FGGY: variants seen among roughly 807,000 people sequenced by gnomAD.
The protein encoded by FGGY is FGGY carbohydrate kinase domain containing, also known as FGGY carbohydrate kinase domain-containing protein.
FGGY carries 72 observed loss-of-function variants against 71.3 expected under a neutral mutation model. The ratio of observed to expected loss-of-function variants is 1.01; its 90% confidence interval spans 0.84 to 1.23. The LOEUF is 1.23. FGGY is among the 50% of genes most tolerant of loss of function. The pLI is 0.00. For synonymous variants in FGGY, 251 were observed against 250.3 expected (o/e 1.00, Z -0.02); for missense variants, 668 against 682.3 (o/e 0.98, Z 0.23).
At chr1:59,558,975 C>G (rs1159193626) in intron 8 of FGGY, among the ~76,000 whole-genome samples, 2 of 152,098 alleles carry the variant, frequency 1.3e-5, no homozygotes, top group African/African-American at 4.8e-5. Flanking sequence ...TTTGCCCGAC[C>G]CCACAGGCAG....
intron 14 of FGGY, among the ~76,000 whole-genome samples, chr1:59,680,098 A>G (rs934953508): frequency 2.6e-5 from 4 of 152,172 alleles, no homozygotes; most frequent in African/African-American, 7.2e-5. Context: ...ATCTCTTGCC[A>G]TGGATTTTAG....
rs536802710 is a variant in FGGY at position 59,373,559 on chromosome 1, T to C, written c.466-5190T>C. The stretch of plus-strand genomic sequence containing the variant: ...TTCACAGAATTGGAAAAAACTACTT[T>C]AAAGTTCATATGGAACCAAAAAAGA... On this transcript the variant is annotated intron_variant, in intron 4 of 15. Transcript: ENST00000303721. Among the ~76,000 whole-genome samples the C allele has an allele frequency of 5.4e-3, 827 of 152,214 alleles. 6 individuals are homozygous for C. The highest frequency in any genetic ancestry group is 0.019 in the African/African-American group (775 of 41,520).
At chr1:59,365,800 A>G (rs753785872) in intron 4 of FGGY, among the ~76,000 whole-genome samples, 2 of 152,250 alleles carry the variant, frequency 1.3e-5, no homozygotes, top group East Asian at 1.9e-4. Context: ...GAAACTCTGT[A>G]GCAGAAGAGT....
intron 6 of FGGY, among the ~76,000 whole-genome samples, chr1:59,510,507 G>A (rs933698661): frequency 6.6e-6 from 1 of 152,066 alleles, no homozygotes; most frequent in Non-Finnish European, 1.5e-5. Context: ...CTGCTACTTT[G>A]GCATTTGAAA....
At chr1:59,622,330 G>A (rs1416296090) in intron 9 of FGGY, among the ~76,000 whole-genome samples, 1 of 151,942 alleles carries the variant, frequency 6.6e-6, no homozygotes, top group Non-Finnish European at 1.5e-5. Flanking sequence ...CTTAAGTATG[G>A]ATTACATTTT....
chr1:59,635,290 C>G (rs1372155258), intron 10 of FGGY, among the ~76,000 whole-genome samples: 2 of 152,116 alleles, frequency 1.3e-5, no homozygotes, highest in Admixed American at 1.3e-4. Context: ...AAAGAATAAA[C>G]ATACAGCTGC....
At chr1:59,318,533 A>C (rs1345059384) in intron 1 of FGGY, 1 of 152,266 alleles carries the variant, frequency 6.6e-6, no homozygotes, top group African/African-American at 2.4e-5. Context: ...ACTGGAAAGG[A>C]ATCAGAATGT....
chr1:59,429,269 A>G (rs181156420), intron 5 of FGGY, among the ~76,000 whole-genome samples: 2 of 152,260 alleles, frequency 1.3e-5, no homozygotes, highest in Admixed American at 1.3e-4. Flanking sequence ...TCATCTTAGA[A>G]ACTTAGAGGT....
At chr1:59,556,984 C>T (rs2095697928) in intron 8 of FGGY, among the ~76,000 whole-genome samples, 1 of 152,090 alleles carries the variant, frequency 6.6e-6, no homozygotes, top group African/African-American at 2.4e-5. Context: ...GGAAGGGACC[C>T]TCTGGGCCAA....
chr1:59,437,085 C>A (rs1229443880), intron 5 of FGGY, among the ~76,000 whole-genome samples: 1 of 152,214 alleles, frequency 6.6e-6, no homozygotes, highest in East Asian at 1.9e-4. Flanking sequence ...TCTTCCTTAT[C>A]CTTCATACCT....
At chr1:59,341,927 C>T (rs763744093) in intron 3 of FGGY, among the ~76,000 whole-genome samples, 1 of 152,026 alleles carries the variant, frequency 6.6e-6, no homozygotes, top group South Asian at 2.1e-4. Context: ...TAGAAATCAC[C>T]GTCCCAGAAG....
In FGGY at chr1:59,633,960, A is replaced by C. The variant is rs75648081; in HGVS notation, c.1074-4268A>C. 5.3e-4 allele frequency among the ~76,000 whole-genome samples: 80 copies of C among 152,324 alleles called. No individual in the cohort carries two copies. In the East Asian group the frequency reaches 0.014, roughly 27 times the overall value. ...AAATCAAGAGAGAATAGTGTTTCAGAAACAAGAGAACAAATGAGGAAGGAG... is the reference window on the plus strand; with the variant it reads ...AAATCAAGAGAGAATAGTGTTTCAGCAACAAGAGAACAAATGAGGAAGGAG... On this transcript the variant is annotated intron_variant, in intron 10 of 15. Coordinates refer to ENST00000303721, the MANE Select transcript of FGGY (RefSeq NM_018291.5).
intron 7 of FGGY, among the ~76,000 whole-genome samples, chr1:59,547,991 T>C (rs777418389): frequency 3.9e-4 from 59 of 152,300 alleles, no homozygotes; most frequent in Admixed American, 1.3e-3. Flanking sequence ...GCTTATAGTG[T>C]AGTAGAGGGA....
chr1:59,535,478 A>G (rs1441413460), intron 7 of FGGY, among the ~76,000 whole-genome samples: 3 of 152,156 alleles, frequency 2.0e-5, no homozygotes, highest in Admixed American at 6.6e-5. Context: ...TGCACCAAGG[A>G]GACCTAATAG....
chr1:59,533,810 C>A lies in FGGY; in HGVS notation c.800-20314C>A, dbSNP rs377131297. ...GAAAACTAACAAACAGAAAGGACAT[C>A]CACACCAAAATCCCATCTGTACATC... On this transcript the variant is annotated intron_variant, in intron 7 of 15. Transcript: ENST00000303721. Among the ~76,000 whole-genome samples, 115 of 152,270 alleles carry A rather than the reference C, an allele frequency of 7.6e-4. 2 individuals carry two copies. In the East Asian group the frequency reaches 0.019, roughly 25 times the overall value.
chr1:59,580,154 T>G (rs866940305), intron 8 of FGGY, among the ~76,000 whole-genome samples: 7 of 152,166 alleles, frequency 4.6e-5, no homozygotes, highest in Admixed American at 2.0e-4. Context: ...ACTCACTGCT[T>G]AACCTCTCTA....
At chr1:59,389,996 G>A (rs925920282) in intron 5 of FGGY, among the ~76,000 whole-genome samples, 3 of 152,090 alleles carry the variant, frequency 2.0e-5, no homozygotes, top group African/African-American at 7.2e-5. Flanking sequence ...TGATGCTAAA[G>A]CTCCTTGATT....
At chr1:59,747,462 G>A (rs759374283) in intron 14 of FGGY, among the ~76,000 whole-genome samples, 13 of 152,280 alleles carry the variant, frequency 8.5e-5, no homozygotes, top group South Asian at 2.1e-4. Context: ...ATTCTCTGTC[G>A]GAGTGTGCTG....
At chr1:59,455,630 G>A (rs2091609796) in intron 5 of FGGY, among the ~76,000 whole-genome samples, 1 of 152,162 alleles carries the variant, frequency 6.6e-6, no homozygotes, top group South Asian at 2.1e-4. Context: ...TTTGCCCTGG[G>A]TACAATATGG....
Sources: gnomAD v4.1 joint callset for allele counts (sites outside exome capture counted in the v4.1 genomes callset) on GRCh38, gnomAD v4.1.1 for gene constraint, MANE v1.5 for transcripts, NCBI Gene and HGNC (gene_info 2026-07-23, HGNC 2026-07-21) for gene names.